Variants in DAGLB observed in about 807,000 individuals in gnomAD.
The protein encoded by DAGLB is diacylglycerol lipase-beta.
Under a neutral mutation model 72.1 loss-of-function variants are expected in DAGLB, and 66 were observed. The observed-to-expected ratio is 0.92, with a 90% CI of 0.75 to 1.12. The LOEUF is 1.12. DAGLB is among the 50% of genes most tolerant of loss of function. The probability of loss-of-function intolerance (pLI) is 0.00; values close to 1 mark genes in which losing one functional copy is unlikely to be tolerated. For missense variants in DAGLB, 1,065 were observed against 884.9 expected, an observed-to-expected ratio of 1.20 and a Z score of -2.58; for synonymous variants, 414 against 359.5, an observed-to-expected ratio of 1.15 and a Z score of -1.71.
rs796198919 is a variant in DAGLB, at chr7:6,421,005, C to T, written c.1218+722G>A. Among the ~76,000 whole-genome samples, 90 of 152,280 alleles carry T rather than the reference C, an allele frequency of 5.9e-4. 1 individual carries two copies. Among genetic ancestry groups the T allele is most frequent in the African/African-American group, 2.0e-3 (85 of 41,556 alleles). On this transcript the variant is annotated intron_variant, in intron 9 of 14. Transcript: ENST00000297056. ...TGTTCTTCACCATGAGAATGTACTA[C>T]CTGAATGAATTCAGAGGCTGGGTGT...
At chr7:6,426,427 G>T (rs1253484269) in intron 6 of DAGLB, among the ~76,000 whole-genome samples, 1 of 152,164 alleles carries the variant, frequency 6.6e-6, no homozygotes, top group Non-Finnish European at 1.5e-5. Flanking sequence ...GCACCTCCAT[G>T]CCCGGCTAGT....
In DAGLB at chr7:6,416,722, G is replaced by C; in HGVS notation, c.1332C>G (p.Leu444=). ...CCAGCAGGGCGGCCGCCCCGCCCCCGAGGCTGTGGCCCACTATGACCAGCC... is the reference window on the plus strand; with the variant it reads ...CCAGCAGGGCGGCCGCCCCGCCCCCCAGGCTGTGGCCCACTATGACCAGCC... ...EYRLVIVGHS[L]GGGAAALLAT... is the part of the protein sequence containing the mutation. Residue 444 remains leucine, a synonymous_variant, in exon 11 of 15, where the codon CTC becomes CTG. Coordinates refer to ENST00000297056, the MANE Select transcript of DAGLB (RefSeq NM_139179.4). 6.2e-7 allele frequency: 1 copy of C among 1,613,666 alleles called. No homozygotes were observed. The highest frequency in any genetic ancestry group is 8.5e-7 in the Non-Finnish European group (1 of 1,179,808).
rs754358442 is a variant in DAGLB at position 6,416,672 on chromosome 7, G to C, written c.1382C>G (p.Pro461Arg). The change falls in exon 11 of 15, where the codon CCG becomes CGG. Residue 461 changes from proline (P) to arginine (R), a missense_variant. Pro to Arg is a moderately radical substitution (Grantham distance 103). Transcript: ENST00000297056. ...GGAGAAGGCGTAGCACCTGACCTGC[G>C]GGTAGGCGGCTCTGAGCATGGTGGC... ...LLATMLRAAY[P>R]QVRCYAFSPP... 6.2e-7 allele frequency: 1 copy of C among 1,613,680 alleles called. No homozygotes were observed. The highest frequency in any genetic ancestry group is 1.1e-5 in the South Asian group (1 of 91,020).
intron 7 of DAGLB, among the ~76,000 whole-genome samples, chr7:6,425,613 C>A (rs1308306361): frequency 6.6e-6 from 1 of 152,164 alleles, no homozygotes. Context: ...CAGTGACCCC[C>A]CCAGAGTGCC....
chr7:6,447,910 C>A lies in DAGLB; in HGVS notation c.-68G>T. On this transcript the variant is annotated 5_prime_UTR_variant, in exon 1 of 15. Transcript: ENST00000297056. ...CCGTTCACCGAGAACAAACCAGCAC[C>A]CTCCGGACGCCGCCACCAAATTATC... The A allele has an allele frequency of 2.0e-6, 3 of 1,487,944 alleles. No individual in the cohort carries two copies. Among genetic ancestry groups the A allele is most frequent in the Non-Finnish European group, 1.8e-6 (2 of 1,121,550 alleles). The allele number at this position is 1,487,944 out of a possible 1,614,324, so 92.2% of individuals were successfully genotyped here. A position where few individuals can be genotyped will look rare whatever the true frequency, so the allele number is the denominator to read the frequency against.
In DAGLB at chr7:6,433,945, C is replaced by A. The variant is rs564274143; in HGVS notation, c.678+817G>T. On this transcript the variant is annotated intron_variant, in intron 4 of 14. Transcript: ENST00000297056. The stretch of plus-strand genomic sequence containing the variant: ...AGATTACGACATCCTCTAGAAATAA[C>A]CAGCTTCTCTTCTTCCCTCTTCCAG... Among the ~76,000 whole-genome samples the A allele has an allele frequency of 1.7e-3, 253 of 152,098 alleles. 2 individuals carry two copies. The highest frequency in any genetic ancestry group is 2.9e-3 in the Non-Finnish European group (196 of 68,002).
intron 2 of DAGLB, among the ~76,000 whole-genome samples, chr7:6,443,800 G>T (rs997668529): frequency 6.6e-6 from 1 of 152,038 alleles, no homozygotes; most frequent in Non-Finnish European, 1.5e-5. Flanking sequence ...ATGTCACACA[G>T]CCCTGCCTCT....
In DAGLB at chr7:6,410,113, C is replaced by A; in HGVS notation, c.1820+17G>T. On this transcript the variant is annotated intron_variant, in intron 14 of 14. Transcript: ENST00000297056. ...GCTGCTCCTGCCTGCCCACCACACC[C>A]ACCACGCCGCACTCACCGCCCCGAG... The A allele has an allele frequency of 1.3e-6, 2 of 1,571,802 alleles. No individual in the cohort carries two copies. The highest frequency in any genetic ancestry group is 2.3e-5 in the East Asian group (1 of 44,308).
chr7:6,412,878 C>G lies in DAGLB; in HGVS notation c.1502G>C (p.Ser501Thr). 1.2e-6 allele frequency: 2 copies of G among 1,609,296 alleles called. No homozygotes were observed. The highest frequency in any genetic ancestry group is 1.7e-6 in the Non-Finnish European group (2 of 1,177,552). The change falls in exon 13 of 15, where the codon AGT (serine) becomes ACT (threonine). Residue 501 changes from serine to threonine, a missense_variant. Transcript: ENST00000297056. The stretch of plus-strand genomic sequence containing the variant: ...CTTCAGATCTTCCAAGTTGGTCACA[C>G]TGAGCCTGTTTAGCAAAGGGGCACA... ...VLGKDVIPRL[S>T]VTNLEDLKRR...
intron 9 of DAGLB, among the ~76,000 whole-genome samples, chr7:6,419,079 TCC>T (rs1387885259): frequency 6.8e-6 from 1 of 147,874 alleles, no homozygotes; most frequent in Non-Finnish European, 1.5e-5. Flanking sequence ...AGATGGCACT[TCC>T]TTTTTTTTTT....
intron 6 of DAGLB, among the ~76,000 whole-genome samples, chr7:6,429,301 T>C (rs1784406864): frequency 6.6e-6 from 1 of 151,838 alleles, no homozygotes; most frequent in Non-Finnish European, 1.5e-5. Flanking sequence ...ATCACACAAA[T>C]GCAAATTGAA....
chr7:6,447,702 C>G (rs1452499919), intron 1 of DAGLB, 46 bp downstream of exon 1: 11 of 1,588,914 alleles, frequency 6.9e-6, no homozygotes, highest in Non-Finnish European at 9.4e-6. Flanking sequence ...TCGCCCCCCG[C>G]TCCCTCTCCG....
intron 12 of DAGLB, 21 bp from the exon 13 acceptor site, chr7:6,412,904 C>T (rs777982248): frequency 1.2e-6 from 2 of 1,611,722 alleles, no homozygotes; most frequent in Non-Finnish European, 1.7e-6. Context: ...AAGGGGCACA[C>T]TGAGGCTGGG....
intron 4 of DAGLB, 55 bp downstream of exon 4, chr7:6,434,707 C>G: frequency 6.2e-7 from 1 of 1,605,296 alleles, no homozygotes; most frequent in South Asian, 1.1e-5. Context: ...CCGGCTCCAT[C>G]AGAAGCATTT....
At chr7:6,421,847 G>C (rs1367088939) in intron 8 of DAGLB, 43 bp from the exon 9 acceptor site, 2 of 1,598,670 alleles carry the variant, frequency 1.3e-6, no homozygotes, top group African/African-American at 2.7e-5. Context: ...GCCTGTGATG[G>C]GCAGGGTGGG....
At position 6,445,855 on chromosome 7, in the gene DAGLB, A is replaced by C. The variant is rs1438209302; in HGVS notation, c.247+98T>G. The C allele has an allele frequency of 1.2e-5, 16 of 1,329,134 alleles. No individual in the cohort carries two copies. In the East Asian group the frequency reaches 2.7e-4, roughly 23 times the overall value. 82.3% of individuals were successfully genotyped at this position (1,329,134 alleles called of 1,614,324 possible). Reference sequence around the variant, plus strand: ...TCTGTGATTATATTAAAAACTGTTGAATTGGAAAGTTTACAGAAGTGAATT... The same window carrying C: ...TCTGTGATTATATTAAAAACTGTTGCATTGGAAAGTTTACAGAAGTGAATT... On this transcript the variant is annotated intron_variant, in intron 2 of 14. Coordinates refer to ENST00000297056, the MANE Select transcript of DAGLB (RefSeq NM_139179.4).
chr7:6,419,629 C>A (rs1123675), intron 9 of DAGLB, among the ~76,000 whole-genome samples: 24,972 of 152,160 alleles, frequency 0.16, 2,468 homozygotes, highest in East Asian at 0.23. Flanking sequence ...TGAACTGTCA[C>A]TAAAATATGA....
rs1438462799 is a variant in DAGLB, at chr7:6,410,239, G to A, written c.1711C>T (p.Pro571Ser). 4.3e-6 allele frequency: 7 copies of A among 1,612,538 alleles called. No homozygotes were observed. The highest frequency in any genetic ancestry group is 5.9e-6 in the Non-Finnish European group (7 of 1,179,320). The change falls in exon 14 of 15, where the codon CCG becomes TCG. Residue 571 changes from proline to serine, a missense_variant. By Grantham distance (74) the Pro-to-Ser change is moderately conservative (BLOSUM62 -1). Transcript: ENST00000297056. ...GEQSLLTRWSPAYSFSSDSPL... is the reference protein window; with the variant it reads ...GEQSLLTRWSSAYSFSSDSPL... ...GAGTCGCTGGAGAAGCTGTAGGCCG[G>A]GGACCAGCGCGTCAGTAGGCTCTGC...
rs576150719 is a variant in DAGLB at position 6,436,695 on chromosome 7, G to A, written c.248-162C>T. On this transcript the variant is annotated intron_variant, in intron 2 of 14. Coordinates refer to ENST00000297056, the MANE Select transcript of DAGLB (RefSeq NM_139179.4). The stretch of plus-strand genomic sequence containing the variant: ...TGGTAATCAGCACCTAAGTCAGACA[G>A]CAAGTGAGAAAATGAGGATGGGAAA... 3.3e-5 allele frequency among the ~76,000 whole-genome samples: 5 copies of A among 152,276 alleles called. No individual in the cohort carries two copies. In the East Asian group the frequency reaches 9.6e-4, roughly 29 times the overall value.
Sources: gnomAD v4.1 joint callset for allele counts (sites outside exome capture counted in the v4.1 genomes callset) on GRCh38, gnomAD v4.1.1 for gene constraint, MANE v1.5 for transcripts, NCBI Gene and HGNC (gene_info 2026-07-23, HGNC 2026-07-21) for gene names.